Variants in PLXNA4 observed in about 807,000 individuals in gnomAD.
PLXNA4 encodes the protein plexin-A4.
A neutral mutation model predicts 191.8 loss-of-function variants in PLXNA4; 44 were observed. The observed-to-expected ratio is 0.23, with a 90% CI of 0.18 to 0.29. The LOEUF (loss-of-function observed/expected upper bound fraction) is 0.29. Among genes scored for constraint, PLXNA4 ranks in the 10% least tolerant of loss-of-function variants. The probability of loss-of-function intolerance (pLI) is 1.00; values close to 1 mark genes in which losing one functional copy is unlikely to be tolerated. For missense variants in PLXNA4, 1,800 were observed against 2,488.8 expected (o/e 0.72, Z 5.89); for synonymous variants, 1,082 against 1,009.5 (o/e 1.07, Z -1.36).
intron 1 of PLXNA4, among the ~76,000 whole-genome samples, chr7:132,523,008 G>C (rs971638411): frequency 5.9e-5 from 9 of 152,010 alleles, no homozygotes; most frequent in African/African-American, 2.2e-4. Context: ...CGGGGGCCAA[G>C]GGCTTGTCAG....
In PLXNA4 at chr7:132,170,055, G is replaced by A. The variant is rs145074120; in HGVS notation, c.4018-1483C>T. Among the ~76,000 whole-genome samples the A allele has an allele frequency of 2.0e-3, 300 of 152,134 alleles. 2 individuals carry two copies. Among genetic ancestry groups the A allele is most frequent in the African/African-American group, 6.8e-3 (282 of 41,472 alleles). On this transcript the variant is annotated intron_variant, in intron 21 of 31. Coordinates refer to ENST00000321063, the MANE Select transcript of PLXNA4 (RefSeq NM_020911.2). ...ATACCACAGTTCTTTGAGAAGGAGT[G>A]TCATGTATACAGCAGTAACGAGCCT...
At position 132,547,862 on chromosome 7, in the gene PLXNA4, G is replaced by A. The variant is rs146786159; in HGVS notation, c.-87+28560C>T. ...CGCAGCAGCTTGCAAAAGAGCCCTG[G>A]GGATGGCAAGAAAGCAGAAAGCACC... On this transcript the variant is annotated intron_variant, in intron 1 of 31. Transcript: ENST00000321063. 7.2e-5 allele frequency among the ~76,000 whole-genome samples: 11 copies of A among 152,252 alleles called. No individual in the cohort carries two copies. In the East Asian group the frequency reaches 2.1e-3, roughly 29 times the overall value.
chr7:132,306,419 G>A (rs1013780655), intron 3 of PLXNA4, among the ~76,000 whole-genome samples: 7 of 152,140 alleles, frequency 4.6e-5, no homozygotes, highest in Admixed American at 2.6e-4. Flanking sequence ...CTCTCAAGGA[G>A]GCAGCAACAA....
intron 3 of PLXNA4, among the ~76,000 whole-genome samples, chr7:132,327,098 G>C (rs1311743443): frequency 6.7e-6 from 1 of 149,664 alleles, no homozygotes; most frequent in East Asian, 1.9e-4. Context: ...AGGAAGAAAG[G>C]AGGGAGAAAG....
intron 25 of PLXNA4, among the ~76,000 whole-genome samples, chr7:132,154,922 T>TA (rs914926853): frequency 6.6e-6 from 1 of 151,966 alleles, no homozygotes. Context: ...GGAGGTGAAA[T>TA]AAAAAATAAA....
At chr7:132,362,402 C>T (rs774772424) in intron 3 of PLXNA4, among the ~76,000 whole-genome samples, 3 of 152,210 alleles carry the variant, frequency 2.0e-5, no homozygotes, top group Non-Finnish European at 2.9e-5. Context: ...GAGGAACACA[C>T]GCTTTCTATG....
chr7:132,313,914 G>T (rs1563029086), intron 3 of PLXNA4, among the ~76,000 whole-genome samples: 1 of 152,088 alleles, frequency 6.6e-6, no homozygotes, highest in Non-Finnish European at 1.5e-5. Context: ...AAAGTGCCGG[G>T]GAAAGGGAAG....
chr7:132,390,688 G>A (rs1013725497), intron 3 of PLXNA4, among the ~76,000 whole-genome samples: 2 of 151,922 alleles, frequency 1.3e-5, no homozygotes, highest in African/African-American at 4.8e-5. Context: ...CTTCTTCTCT[G>A]CCCCATGAGT....
intron 30 of PLXNA4, among the ~76,000 whole-genome samples, chr7:132,135,850 C>G (rs1203650059): frequency 2.0e-5 from 3 of 152,100 alleles, no homozygotes; most frequent in South Asian, 2.1e-4. Flanking sequence ...CTTTCCTGTT[C>G]CCTTTGCACT....
At chr7:132,145,360 C>T in intron 28 of PLXNA4, 72 bp from the exon 29 acceptor site, 1 of 1,597,234 alleles carries the variant, frequency 6.3e-7, no homozygotes, top group South Asian at 1.1e-5. Context: ...AAACCTGCCT[C>T]ACAGACCTAG....
At chr7:132,469,119 CAAAAAAAAAAA>C (rs5887577) in intron 3 of PLXNA4, among the ~76,000 whole-genome samples, 6 of 87,394 alleles carry the variant, frequency 6.9e-5, no homozygotes, top group Admixed American at 1.4e-4. Context: ...GCACACCAAC[CAAAAAAAAAAA>C]AAAAAAAAAG....
chr7:132,638,295 G>A lies in PLXNA4; in HGVS notation c.-87+7633C>T, dbSNP rs149833331. Among the ~76,000 whole-genome samples the A allele has an allele frequency of 3.5e-3, 534 of 152,330 alleles. 3 individuals carry two copies. The highest frequency in any genetic ancestry group is 0.012 in the African/African-American group (508 of 41,580). On this transcript the variant is annotated intron_variant, in intron 2 of 4. Coordinates refer to the PLXNA4 transcript ENST00000378539. ...CATGAGCAGATCAACACACATCATAGCGGGTTTAGGCCTAGGATGGTTGGA... is the reference window on the plus strand; with the variant it reads ...CATGAGCAGATCAACACACATCATAACGGGTTTAGGCCTAGGATGGTTGGA...
chr7:132,365,360 T>TGTGTGTGTGCGCGC lies in PLXNA4; in HGVS notation c.1372-67139_1372-67138insGCGCGCACACACAC. ...GTGTGTGTGTGTGTGTGTGTGTGTG[T>TGTGTGTGTGCGCGC]GCGTGCGCGCGCATGCATGGGGCAA... On this transcript the variant is annotated intron_variant, in intron 3 of 31. Coordinates refer to ENST00000321063, the MANE Select transcript of PLXNA4 (RefSeq NM_020911.2). Among the ~76,000 whole-genome samples the TGTGTGTGTGCGCGC allele has an allele frequency of 8.6e-3, 1,112 of 128,730 alleles. 6 individuals carry two copies. Among genetic ancestry groups the TGTGTGTGTGCGCGC allele is most frequent in the African/African-American group, 0.013 (424 of 33,796 alleles). The allele number at this position is 128,730 out of a possible 152,430, so 84.5% of individuals were successfully genotyped here.
At chr7:132,227,330 G>T in intron 7 of PLXNA4, 121 bp downstream of exon 7, 3 of 1,344,766 alleles carry the variant, frequency 2.2e-6, no homozygotes, top group Non-Finnish European at 3.1e-6. Context: ...ACCATCCCAT[G>T]CCCCTTCCTC....
intron 1 of PLXNA4, among the ~76,000 whole-genome samples, chr7:132,544,414 A>C (rs1409038221): frequency 6.6e-6 from 1 of 152,244 alleles, no homozygotes; most frequent in Admixed American, 6.5e-5. Context: ...TGACAGCACA[A>C]TTCCCGTTTT....
chr7:132,507,679 A>T lies in PLXNA4; in HGVS notation c.1015T>A (p.Phe339Ile), dbSNP rs1018483878. The change falls in exon 2 of 32, where the codon TTC (phenylalanine) becomes ATC (isoleucine). Residue 339 changes from phenylalanine (F) to isoleucine (I), a missense_variant. Physicochemically the swap from Phe to Ile is conservative, Grantham distance 21 (BLOSUM62 0). Around this residue, in one of 6 missense-constraint regions of PLXNA4, gnomAD observed 1,397 missense variants for 1,880.4 expected, o/e 0.74. Transcript: ENST00000321063. The part of the protein sequence containing the change: ...HPDDDLLFTV[F>I]SKGQKRKMKS... ...ATTTTCCGCTTCTGGCCCTTGGAGA[A>T]GACGGTGAAGAGCAGGTCATCATCT... is the stretch of plus-strand genomic sequence containing the variant. The T allele has an allele frequency of 1.2e-6, 2 of 1,614,118 alleles. No individual in the cohort carries two copies. The highest frequency in any genetic ancestry group is 1.7e-6 in the Non-Finnish European group (2 of 1,180,044).
At chr7:132,263,922 A>G (rs997872994) in intron 4 of PLXNA4, among the ~76,000 whole-genome samples, 1 of 152,224 alleles carries the variant, frequency 6.6e-6, no homozygotes, top group African/African-American at 2.4e-5. Context: ...GTTAGCAAAG[A>G]TAATTTAGAG....
At chr7:132,241,021 C>A in intron 5 of PLXNA4, 45 bp downstream of exon 5, 1 of 1,407,800 alleles carries the variant, frequency 7.1e-7, no homozygotes, top group Non-Finnish European at 9.8e-7. Context: ...AGGGAATTAC[C>A]AGGAGGAAGT....
At chr7:132,262,213 G>A (rs141021063) in intron 4 of PLXNA4, among the ~76,000 whole-genome samples, 12 of 151,988 alleles carry the variant, frequency 7.9e-5, no homozygotes, top group East Asian at 1.9e-4. Context: ...ATTCTGGCTC[G>A]GCTTGGTGGT....
Sources: gnomAD v4.1 joint callset for allele counts (sites outside exome capture counted in the v4.1 genomes callset) on GRCh38, gnomAD v4.1.1 for gene constraint, gnomAD v4.1.1 regional missense constraint, MANE v1.5 for transcripts, NCBI Gene and HGNC (gene_info 2026-07-23, HGNC 2026-07-21) for gene names.